Variants in ANKRD39 observed in about 807,000 individuals in gnomAD.
ANKRD39 encodes the protein ankyrin repeat domain 39.
ANKRD39 carries 18 observed loss-of-function variants against 20.3 expected under a neutral mutation model. That is an observed-to-expected ratio of 0.89 (90% CI 0.61 to 1.32). ANKRD39 has a LOEUF of 1.32. Ranked by LOEUF, ANKRD39 falls within the 40% of genes most tolerant of loss-of-function variation. The pLI, the probability that ANKRD39 is intolerant of heterozygous loss-of-function variation, is 0.00. For missense variants in ANKRD39, 243 were observed against 250.7 expected, an observed-to-expected ratio of 0.97 and a Z score of 0.21; for synonymous variants, 106 against 111.9, an observed-to-expected ratio of 0.95 and a Z score of 0.33.
intron 3 of ANKRD39, among the ~76,000 whole-genome samples, chr2:96,850,773 C>T (rs1215473850): frequency 6.6e-6 from 1 of 152,160 alleles, no homozygotes; most frequent in Admixed American, 6.6e-5. Flanking sequence ...TGGAGATGCA[C>T]CTAACTATGG....
chr2:96,849,862 G>A (rs1035731258), intron 3 of ANKRD39, among the ~76,000 whole-genome samples: 1 of 152,044 alleles, frequency 6.6e-6, no homozygotes, highest in Non-Finnish European at 1.5e-5. Flanking sequence ...TTTTAAGGTA[G>A]GAGACCCCAA....
intron 3 of ANKRD39, 38 bp downstream of exon 3, chr2:96,853,363 T>C: frequency 6.5e-7 from 1 of 1,544,556 alleles, no homozygotes; most frequent in South Asian, 1.2e-5. Flanking sequence ...ACTTTAAAAA[T>C]AAGGAAACGA....
chr2:96,854,469 T>C (rs776093850), intron 1 of ANKRD39, 28 bp from the exon 2 acceptor site: 1 of 1,605,800 alleles, frequency 6.2e-7, no homozygotes, highest in Non-Finnish European at 8.5e-7. Flanking sequence ...AAGGACTGAA[T>C]GATGCTGAAT....
intron 3 of ANKRD39, among the ~76,000 whole-genome samples, chr2:96,853,026 A>T (rs972141559): frequency 2.6e-5 from 4 of 152,168 alleles, no homozygotes; most frequent in African/African-American, 9.7e-5. Context: ...GACTCTTCAG[A>T]TTGTTTACCA....
At chr2:96,853,915 T>C (rs2079850897) in intron 2 of ANKRD39, among the ~76,000 whole-genome samples, 1 of 152,146 alleles carries the variant, frequency 6.6e-6, no homozygotes, top group Non-Finnish European at 1.5e-5. Context: ...TCACCTGAAG[T>C]CAGGAGTTCG....
chr2:96,855,050 G>A (rs935269524), intron 1 of ANKRD39, among the ~76,000 whole-genome samples: 5 of 152,240 alleles, frequency 3.3e-5, no homozygotes, highest in Non-Finnish European at 5.9e-5. Flanking sequence ...GAAGCAATCT[G>A]CTGCCCTAAG....
At chr2:96,855,067 T>C (rs1456506665) in intron 1 of ANKRD39, among the ~76,000 whole-genome samples, 3 of 151,860 alleles carry the variant, frequency 2.0e-5, no homozygotes, top group African/African-American at 7.3e-5. Flanking sequence ...TAAGAGACAA[T>C]CAGCAAATAT....
intron 2 of ANKRD39, 134 bp from the exon 3 acceptor site, chr2:96,853,738 A>G: frequency 1.2e-6 from 1 of 816,482 alleles, no homozygotes; most frequent in Non-Finnish European, 1.9e-6. Flanking sequence ...CAGTCGTGTG[A>G]CCTGGGCAAG....
chr2:96,850,962 ACCTATGC>A (rs56674896), intron 3 of ANKRD39, among the ~76,000 whole-genome samples: 40,894 of 151,748 alleles, frequency 0.27, 11,490 homozygotes, highest in African/African-American at 0.72. Context: ...TTCACTGGGC[ACCTATGC>A]CCTATGCTAA....
chr2:96,849,639 G>A (rs1043546241), intron 3 of ANKRD39, among the ~76,000 whole-genome samples: 5 of 151,846 alleles, frequency 3.3e-5, no homozygotes, highest in African/African-American at 1.2e-4. Context: ...GACAGAGCGA[G>A]ACTCCATCTC....
intron 3 of ANKRD39, among the ~76,000 whole-genome samples, chr2:96,851,416 A>G (rs1187354664): frequency 1.3e-5 from 2 of 151,958 alleles, no homozygotes; most frequent in South Asian, 4.1e-4. Context: ...TCAGCCTCCC[A>G]AAGTGCTGGG....
chr2:96,857,769 G>GGCTCCAA, intron 1 of ANKRD39, 119 bp downstream of exon 1: 1 of 1,073,420 alleles, frequency 9.3e-7, no homozygotes, highest in East Asian at 3.0e-5. Flanking sequence ...TCCCGCACCA[G>GGCTCCAA]GCCCCAAGCC....
chr2:96,848,782 T>C (rs1017035711), intron 3 of ANKRD39, among the ~76,000 whole-genome samples: 2 of 151,826 alleles, frequency 1.3e-5, no homozygotes, highest in Non-Finnish European at 2.9e-5. Flanking sequence ...GATCATGCCA[T>C]TACACTCCAG....
intron 3 of ANKRD39, 96 bp from the exon 4 acceptor site, chr2:96,848,540 G>A (rs2079821676): frequency 1.3e-6 from 2 of 1,495,360 alleles, no homozygotes; most frequent in African/African-American, 1.4e-5. Flanking sequence ...CTAAAAAAGA[G>A]GCCTCTCTGG....
rs573544622 is a variant in ANKRD39 at position 96,856,564 on chromosome 2, C to T, written c.100+1324G>A. On this transcript the variant is annotated intron_variant, in intron 1 of 3. Transcript: ENST00000393537. Reference sequence around the variant, plus strand: ...GTTTACTTCTTAACAGCACAATTGACACTTACGGGCCGGATGATTATTGTA... The same window carrying T: ...GTTTACTTCTTAACAGCACAATTGATACTTACGGGCCGGATGATTATTGTA... Among the ~76,000 whole-genome samples, 3 of 151,706 alleles carry T rather than the reference C, an allele frequency of 2.0e-5. No homozygotes were observed. The South Asian group carries it at 6.2e-4, about 32-fold the overall frequency.
In ANKRD39 at chr2:96,848,270, C is replaced by G; in HGVS notation, c.*31G>C. On this transcript the variant is annotated 3_prime_UTR_variant, in exon 4 of 4. Coordinates refer to ENST00000393537, the MANE Select transcript of ANKRD39 (RefSeq NM_016466.6). ...GGCTTGGAGAACTGGTCTGTGTACC[C>G]TTTAAAGGCAGCTGGAGATAGGGTG... 1 of 1,612,730 alleles carries G rather than the reference C, an allele frequency of 6.2e-7. No homozygotes were observed. Among genetic ancestry groups the G allele is most frequent in the Non-Finnish European group, 8.5e-7 (1 of 1,179,528 alleles).
intron 3 of ANKRD39, among the ~76,000 whole-genome samples, chr2:96,850,579 C>T (rs2079831820): frequency 1.3e-5 from 2 of 151,872 alleles, no homozygotes; most frequent in Admixed American, 1.3e-4. Flanking sequence ...GCAGGAGAAT[C>T]GTCTGAACCC....
chr2:96,854,481 G>A lies in ANKRD39; in HGVS notation c.101-40C>T, dbSNP rs774823801. 7.6e-6 allele frequency: 12 copies of A among 1,588,844 alleles called. No individual in the cohort carries two copies. In the Admixed American group the frequency reaches 1.3e-4, roughly 18 times the overall value. ...CCAAAGGACTGAATGATGCTGAATG[G>A]GAGTTTCAGTGCTTGCTTTGCCTCT... On this transcript the variant is annotated intron_variant, in intron 1 of 3. Coordinates refer to ENST00000393537, the MANE Select transcript of ANKRD39 (RefSeq NM_016466.6).
At chr2:96,850,106 C>T (rs892712820) in intron 3 of ANKRD39, among the ~76,000 whole-genome samples, 2 of 152,184 alleles carry the variant, frequency 1.3e-5, no homozygotes, top group South Asian at 4.1e-4. Context: ...ACTCTGTGAA[C>T]CACTATTATT....
Sources: allele counts gnomAD v4.1 joint callset (sites outside exome capture counted in the v4.1 genomes callset), GRCh38; gene constraint gnomAD v4.1.1; transcripts MANE v1.5; gene names NCBI Gene and HGNC (gene_info 2026-07-23, HGNC 2026-07-21).